The following ZER1 variants were observed in gnomAD, a reference collection of about 807,000 sequenced individuals.
ZER1 encodes the protein zyg-11 related cell cycle regulator.
A neutral mutation model predicts 78.8 loss-of-function variants in ZER1; 11 were observed. The observed-to-expected ratio is 0.14, with a 90% confidence interval of 0.09 to 0.23. The LOEUF is 0.23. Ranked by LOEUF, ZER1 falls within the 10% of genes least tolerant of loss-of-function variation. ZER1 has a pLI of 1.00. For synonymous variants in ZER1, 400 were observed against 407.0 expected, an observed-to-expected ratio of 0.98 and a Z score of 0.21; for missense variants, 588 against 996.9, an observed-to-expected ratio of 0.59 and a Z score of 5.52.
intron 1 of ZER1, among the ~76,000 whole-genome samples, chr9:128,766,845 C>CA (rs1176953959): frequency 0.058 from 2,841 of 49,360 alleles, 445 homozygotes; most frequent in African/African-American, 0.19. Flanking sequence ...GATTCCGTCT[C>CA]AAAAAAAAAA....
chr9:128,765,251 G>A (rs1341117363), intron 1 of ZER1, among the ~76,000 whole-genome samples: 1 of 142,562 alleles, frequency 7.0e-6, no homozygotes, highest in Non-Finnish European at 1.5e-5. Context: ...ACACACACAC[G>A]TGCGCAAGCG....
chr9:128,734,883 T>A (rs1219170050), intron 14 of ZER1, among the ~76,000 whole-genome samples: 2 of 151,982 alleles, frequency 1.3e-5, no homozygotes, highest in Non-Finnish European at 2.9e-5. Flanking sequence ...ATGGAGACTT[T>A]TATTTTACTT....
chr9:128,761,566 A>C lies in ZER1; in HGVS notation c.-94-5907T>G, dbSNP rs141923952. 8.4e-5 allele frequency among the ~76,000 whole-genome samples: 12 copies of C among 142,366 alleles called. No homozygotes were observed. In the East Asian group the frequency reaches 2.6e-3, roughly 31 times the overall value. The allele number at this position is 142,366 out of a possible 152,430, so 93.4% of individuals were successfully genotyped here. A position where few individuals can be genotyped will look rare whatever the true frequency, so the allele number is the denominator to read the frequency against. On this transcript the variant is annotated intron_variant, in intron 1 of 15. Coordinates refer to ENST00000291900, the MANE Select transcript of ZER1 (RefSeq NM_006336.4). ...CTCCCAAAATGGTGGAACTACAGTC[A>C]TGAGCCACCATGTCCAGCCCTATGA...
intron 13 of ZER1, among the ~76,000 whole-genome samples, chr9:128,739,213 T>C (rs999690764): frequency 3.2e-4 from 49 of 151,944 alleles, no homozygotes; most frequent in African/African-American, 1.1e-3. Context: ...TCTTGAAATC[T>C]TGGGCTCAGC....
chr9:128,745,146 C>A (rs1157247047), intron 8 of ZER1, among the ~76,000 whole-genome samples: 2 of 151,630 alleles, frequency 1.3e-5, no homozygotes, highest in Admixed American at 6.6e-5. Context: ...TGCTCTACAT[C>A]CTCAGTTTTC....
intron 14 of ZER1, 82 bp downstream of exon 14, chr9:128,735,252 C>A: frequency 4.0e-6 from 5 of 1,264,026 alleles, no homozygotes; most frequent in Non-Finnish European, 5.5e-6. Flanking sequence ...ATTAATGCCC[C>A]CCTCCTGGAC....
rs1331780676 is a variant in ZER1, at chr9:128,751,366, T to G, written c.1038+47A>C. The stretch of plus-strand genomic sequence containing the variant: ...CAGCCCCAGAATCCAGCTCCTTCTC[T>G]CTCCCAAGGCTCCCTGGCCCAGACC... On this transcript the variant is annotated intron_variant, in intron 6 of 15. Transcript: ENST00000291900. This position sits in a 1 kb window ranked among gnomAD's most constrained non-coding sequence, Gnocchi z 5.4. 6.2e-7 allele frequency: 1 copy of G among 1,612,586 alleles called. No homozygotes were observed. The highest frequency in any genetic ancestry group is 1.1e-5 in the South Asian group (1 of 91,046).
intron 15 of ZER1, 82 bp downstream of exon 15, chr9:128,733,344 T>C: frequency 8.1e-7 from 1 of 1,231,320 alleles, no homozygotes; most frequent in Non-Finnish European, 1.2e-6. Context: ...TTTCAGCCAT[T>C]CCTAACCTCC....
chr9:128,753,731 G>T lies in ZER1; in HGVS notation c.309+78C>A. 1 of 1,563,318 alleles carries T rather than the reference G, an allele frequency of 6.4e-7. No individual in the cohort carries two copies. Among genetic ancestry groups the T allele is most frequent in the Non-Finnish European group, 8.7e-7 (1 of 1,154,334 alleles). On this transcript the variant is annotated intron_variant, in intron 3 of 15. Transcript: ENST00000291900. This position sits in a 1 kb window ranked among gnomAD's most constrained non-coding sequence, Gnocchi z 7.5. Reference sequence around the variant, plus strand: ...CACGGTGCACACTGGCTGGGCTGGGGATGGCTGGGCTGGAGGCGAGCAGCC... The same window carrying T: ...CACGGTGCACACTGGCTGGGCTGGGTATGGCTGGGCTGGAGGCGAGCAGCC...
chr9:128,746,029 G>A (rs1370074724), intron 8 of ZER1: 1 of 150,872 alleles, frequency 6.6e-6, no homozygotes, highest in Non-Finnish European at 1.5e-5. Flanking sequence ...TGGTAGAGAT[G>A]GAGTTTCGCC....
chr9:128,755,369 G>A lies in ZER1; in HGVS notation c.158+39C>T. 6.2e-7 allele frequency: 1 copy of A among 1,611,192 alleles called. No individual in the cohort carries two copies. ...CCCAATCTCTCTATACACATTCATG[G>A]TAAGACCCCTGCCCCTCCTCAGCCC... On this transcript the variant is annotated intron_variant, in intron 2 of 15. Coordinates refer to ENST00000291900, the MANE Select transcript of ZER1 (RefSeq NM_006336.4). This position sits in a 1 kb window ranked among gnomAD's most constrained non-coding sequence, Gnocchi z 5.6.
At chr9:128,747,695 TCTC>T (rs1328806832) in intron 8 of ZER1, among the ~76,000 whole-genome samples, 4 of 152,056 alleles carry the variant, frequency 2.6e-5, no homozygotes, top group African/African-American at 9.7e-5. Context: ...CTCACTGAAA[TCTC>T]CACCTCCCGA....
At chr9:128,759,858 G>A (rs182981468) in intron 1 of ZER1, among the ~76,000 whole-genome samples, 1 of 152,252 alleles carries the variant, frequency 6.6e-6, no homozygotes, top group African/African-American at 2.4e-5. Flanking sequence ...CCTTATGTAT[G>A]TATTTTTTTG....
rs1210577101 is a variant in ZER1, at chr9:128,751,823, C to T, written c.924-296G>A. Among the ~76,000 whole-genome samples the T allele has an allele frequency of 6.6e-6, 1 of 152,230 alleles. No individual in the cohort carries two copies. Among genetic ancestry groups the T allele is most frequent in the African/African-American group, 2.4e-5 (1 of 41,452 alleles). On this transcript the variant is annotated intron_variant, in intron 5 of 15. Transcript: ENST00000291900. This position sits in a 1 kb window ranked among gnomAD's most constrained non-coding sequence, Gnocchi z 5.4. ...TCACCAACAATCACAAAGGGACAAG[C>T]TCAACTGAACACCATTAAAGCAGGC... is the stretch of plus-strand genomic sequence containing the variant.
chr9:128,740,440 C>T lies in ZER1; in HGVS notation c.1854-321G>A, dbSNP rs1285219706. 2.6e-5 allele frequency among the ~76,000 whole-genome samples: 4 copies of T among 151,824 alleles called. No individual in the cohort carries two copies. The highest frequency in any genetic ancestry group is 3.9e-4 in the East Asian group (2 of 5,156). Reference sequence around the variant, plus strand: ...TAAAAATACAAAAAAATTAGCTGGGCGTGGTGGCAGGCGCCTGTAGTCTCA... The same window carrying T: ...TAAAAATACAAAAAAATTAGCTGGGTGTGGTGGCAGGCGCCTGTAGTCTCA... On this transcript the variant is annotated intron_variant, in intron 12 of 15. Transcript: ENST00000291900. The surrounding 1 kb of genome is among the most constrained non-coding windows in gnomAD (Gnocchi z 4.4).
intron 1 of ZER1, among the ~76,000 whole-genome samples, chr9:128,760,252 G>A (rs1450894102): frequency 1.3e-5 from 2 of 151,850 alleles, no homozygotes; most frequent in African/African-American, 4.8e-5. Flanking sequence ...ACCCAGGCTG[G>A]AGTGCAGTGG....
rs1057018577 is a variant in ZER1 at position 128,735,387 on chromosome 9, G to A, written c.2087C>T (p.Pro696Leu). The A allele has an allele frequency of 2.4e-5, 38 of 1,614,054 alleles. No individual in the cohort carries two copies. The highest frequency in any genetic ancestry group is 3.1e-5 in the Non-Finnish European group (37 of 1,180,022). Reference sequence around the variant, plus strand: ...CCAGGTTGCCCAGTGCTGGCTGACAGGAGAGATTCCCTGGGGAAGGAGGCG... The same window carrying A: ...CCAGGTTGCCCAGTGCTGGCTGACAAGAGAGATTCCCTGGGGAAGGAGGCG... ...ILRLLPQGIS[P>L]VSQHWATWAL... Residue 696 changes from proline to leucine, a missense_variant, in exon 14 of 16, where the codon CCT becomes CTT. Around this residue, in one of 3 missense-constraint regions of ZER1, gnomAD observed 122 missense variants for 173.5 expected, o/e 0.70. Transcript: ENST00000291900.
intron 9 of ZER1, 23 bp downstream of exon 9, chr9:128,742,507 G>A (rs2132415137): frequency 6.2e-7 from 1 of 1,612,774 alleles, no homozygotes. Context: ...CAGGAGGAAG[G>A]GGGCAGCGCC....
intron 1 of ZER1, among the ~76,000 whole-genome samples, chr9:128,769,490 T>C (rs1864317837): frequency 1.3e-5 from 2 of 151,914 alleles, no homozygotes; most frequent in African/African-American, 4.8e-5. Context: ...CTCAGCTCAC[T>C]TCAACCTCCA....
Sources: gnomAD v4.1 joint callset for allele counts (sites outside exome capture counted in the v4.1 genomes callset) on GRCh38, gnomAD v4.1.1 for gene constraint, gnomAD v4.1.1 regional missense constraint, Gnocchi (gnomAD v3.1) non-coding constraint, MANE v1.5 for transcripts, NCBI Gene and HGNC (gene_info 2026-07-23, HGNC 2026-07-21) for gene names.